The following SS18 variants were observed in gnomAD, a reference collection of about 807,000 sequenced individuals.
SS18 encodes the protein protein SSXT.
SS18 carries 28 observed loss-of-function variants against 72.5 expected under a neutral mutation model. The ratio of observed to expected loss-of-function variants is 0.39; its 90% CI spans 0.29 to 0.53. The LOEUF (loss-of-function observed/expected upper bound fraction) is 0.53, where lower values mean the gene tolerates loss of function less well. SS18 is among the 20% of genes least tolerant of loss of function. The pLI, the probability that SS18 is intolerant of heterozygous loss-of-function variation, is 0.76. For missense variants in SS18, 518 were observed against 535.3 expected (o/e 0.97, Z 0.32); for synonymous variants, 172 against 164.2 (o/e 1.05, Z -0.37).
chr18:26,022,080 T>C (rs1053560396), intron 10 of SS18, among the ~76,000 whole-genome samples: 1 of 152,196 alleles, frequency 6.6e-6, no homozygotes, highest in Admixed American at 6.5e-5. Context: ...CTTCATTCTA[T>C]TTACCTAATC....
chr18:26,075,760 G>C (rs2054400408), intron 3 of SS18, among the ~76,000 whole-genome samples: 1 of 151,814 alleles, frequency 6.6e-6, no homozygotes, highest in Non-Finnish European at 1.5e-5. Context: ...AGAAATAAAA[G>C]GTGTAAGGAT....
At chr18:26,073,049 T>G (rs1360007937) in intron 3 of SS18, among the ~76,000 whole-genome samples, 1 of 152,096 alleles carries the variant, frequency 6.6e-6, no homozygotes, top group Admixed American at 6.6e-5. Flanking sequence ...CATATTTTTT[T>G]TAAATACACA....
At chr18:26,065,640 C>A (rs949306587) in intron 3 of SS18, among the ~76,000 whole-genome samples, 5 of 150,558 alleles carry the variant, frequency 3.3e-5, no homozygotes, top group Admixed American at 3.3e-4. Context: ...CAGAATTATC[C>A]CTTCAAAATA....
intron 2 of SS18, chr18:26,080,284 T>C: frequency 1.1e-5 from 11 of 964,716 alleles, no homozygotes; most frequent in Non-Finnish European, 1.4e-5. Flanking sequence ...CAACCAGCCA[T>C]TTTTAATTAG....
chr18:26,083,238 T>C (rs1167847114), intron 2 of SS18, among the ~76,000 whole-genome samples: 3 of 151,748 alleles, frequency 2.0e-5, no homozygotes, highest in Non-Finnish European at 2.9e-5. Flanking sequence ...ATCCAATATG[T>C]AGAGAATGAG....
chr18:26,052,561 A>G (rs2143979446), intron 5 of SS18, 63 bp downstream of exon 5: 4 of 1,336,626 alleles, frequency 3.0e-6, no homozygotes, highest in Non-Finnish European at 3.2e-6. Context: ...CCTGACAACA[A>G]TCATTTTACT....
chr18:26,072,322 G>A (rs1431875200), intron 3 of SS18, among the ~76,000 whole-genome samples: 2 of 149,552 alleles, frequency 1.3e-5, no homozygotes, highest in Admixed American at 6.7e-5. Flanking sequence ...GCTCACACCT[G>A]TAATCCCAGC....
At chr18:26,020,742 A>G (rs941714967) in intron 10 of SS18, among the ~76,000 whole-genome samples, 2 of 152,184 alleles carry the variant, frequency 1.3e-5, no homozygotes, top group Non-Finnish European at 2.9e-5. Context: ...AACACAGCCT[A>G]AATTAATTAG....
At chr18:26,086,019 C>T (rs1015561888) in intron 2 of SS18, 1 of 148,912 alleles carries the variant, frequency 6.7e-6, no homozygotes, top group Admixed American at 6.6e-5. Flanking sequence ...ATCCTTTAAC[C>T]AACCATGCAT....
chr18:26,027,703 A>AAAAAAAAAAACAC (rs1555643837), intron 10 of SS18, among the ~76,000 whole-genome samples: 1 of 124,698 alleles, frequency 8.0e-6, no homozygotes, highest in African/African-American at 3.6e-5. Context: ...AAAAAAAAAA[A>AAAAAAAAAAACAC]AGTCTTTTCA....
chr18:26,090,694 C>T (rs1365092171), upstream of SS18: 10 of 1,021,826 alleles, frequency 9.8e-6, no homozygotes, highest in South Asian at 1.3e-4. Context: ...GCTCCGGGGC[C>T]AAGCGGACGG....
chr18:26,068,795 A>G (rs1455986529), intron 3 of SS18, among the ~76,000 whole-genome samples: 1 of 152,216 alleles, frequency 6.6e-6, no homozygotes, highest in Non-Finnish European at 1.5e-5. Flanking sequence ...ACATAGCCTC[A>G]ATCAATTTTT....
chr18:26,078,836 G>A (rs540296659), intron 2 of SS18, among the ~76,000 whole-genome samples: 15 of 152,274 alleles, frequency 9.9e-5, no homozygotes, highest in South Asian at 2.1e-4. Context: ...GCAGTGAGCC[G>A]AGATCATGCC....
intron 5 of SS18, among the ~76,000 whole-genome samples, chr18:26,043,216 G>C (rs1244772906): frequency 1.3e-5 from 2 of 152,036 alleles, no homozygotes; most frequent in Non-Finnish European, 2.9e-5. Context: ...GCTACTAAAT[G>C]GTCCAAAGCC....
At chr18:26,033,371 G>T (rs1017228612) in intron 9 of SS18, among the ~76,000 whole-genome samples, 1 of 152,000 alleles carries the variant, frequency 6.6e-6, no homozygotes, top group East Asian at 1.9e-4. Context: ...AAAATTAGCC[G>T]GGTATGGTAG....
chr18:26,032,569 AG>A, intron 9 of SS18, 37 bp from the exon 10 acceptor site: 3 of 1,608,876 alleles, frequency 1.9e-6, no homozygotes, highest in Non-Finnish European at 2.5e-6. Context: ...CCACATAAAA[AG>A]GTAAGTCCCT....
At chr18:26,045,721 A>T (rs2143931373) in intron 5 of SS18, among the ~76,000 whole-genome samples, 1 of 152,246 alleles carries the variant, frequency 6.6e-6, no homozygotes, top group South Asian at 2.1e-4. Context: ...ATGACCATGC[A>T]AGCAGAAATC....
chr18:26,087,263 G>C (rs1056590313), intron 2 of SS18, among the ~76,000 whole-genome samples: 1 of 152,070 alleles, frequency 6.6e-6, no homozygotes, highest in Non-Finnish European at 1.5e-5. Context: ...TGAGGGGTGG[G>C]GGATAGTGAC....
rs1258139007 is a variant in SS18, at chr18:26,021,892, T to G, written c.1231-3512A>C. ...CCTATGATACATCTAAGCAGAGCTG[T>G]CGAGTAGGCATCTAATTTCCAGAAG... On this transcript the variant is annotated intron_variant, in intron 10 of 10. Coordinates refer to ENST00000415083, the MANE Select transcript of SS18 (RefSeq NM_001007559.3). Among the ~76,000 whole-genome samples the G allele has an allele frequency of 2.0e-5, 3 of 152,198 alleles. No homozygotes were observed. The East Asian group carries it at 5.8e-4, about 29-fold the overall frequency.
Sources: allele counts gnomAD v4.1 joint callset (sites outside exome capture counted in the v4.1 genomes callset), GRCh38; gene constraint gnomAD v4.1.1; transcripts MANE v1.5; gene names NCBI Gene and HGNC (gene_info 2026-07-23, HGNC 2026-07-21).